The following ALK variants were observed in gnomAD, a reference collection of about 807,000 sequenced individuals.
ALK encodes the protein ALK tyrosine kinase receptor.
In ALK, 74 loss-of-function variants were observed where a neutral mutation model predicts 163.1. The observed-to-expected ratio is 0.45, with a 90% CI of 0.38 to 0.55. ALK has a LOEUF of 0.55. Among genes scored for constraint, ALK ranks in the 20% least tolerant of loss-of-function variants. The pLI, the probability that ALK is intolerant of heterozygous loss-of-function variation, is 0.00. For missense variants in ALK, 2,063 were observed against 2,105.3 expected, an observed-to-expected ratio of 0.98 and a Z score of 0.39; for synonymous variants, 960 against 843.2, an observed-to-expected ratio of 1.14 and a Z score of -2.40.
intron 5 of ALK, among the ~76,000 whole-genome samples, chr2:29,349,063 A>G (rs1286416464): frequency 1.5e-5 from 1 of 68,950 alleles, no homozygotes; most frequent in East Asian, 4.5e-3. Flanking sequence ...ATTACTGTCC[A>G]TCAAGTTCTT....
At chr2:29,860,963 G>C (rs1450527526) in intron 1 of ALK, among the ~76,000 whole-genome samples, 1 of 152,166 alleles carries the variant, frequency 6.6e-6, no homozygotes, top group African/African-American at 2.4e-5. Flanking sequence ...TTGAGCCCAG[G>C]AGTTCGAGAC....
At chr2:29,773,251 C>A (rs937662996) in intron 1 of ALK, among the ~76,000 whole-genome samples, 3 of 152,116 alleles carry the variant, frequency 2.0e-5, no homozygotes, top group Admixed American at 6.5e-5. Flanking sequence ...CACACACACA[C>A]ACATTTTTTT....
In ALK at chr2:29,605,120, C is replaced by T. The variant is rs141630909; in HGVS notation, c.953-73004G>A. ...CCCCTACCTTTTTGGCATCAGGAACCGGTTTCGTGGAAGACAGTTTTTCCA... is the reference window on the plus strand; with the variant it reads ...CCCCTACCTTTTTGGCATCAGGAACTGGTTTCGTGGAAGACAGTTTTTCCA... On this transcript the variant is annotated intron_variant, in intron 3 of 28. Coordinates refer to ENST00000389048, the MANE Select transcript of ALK (RefSeq NM_004304.5). Among the ~76,000 whole-genome samples, 164 of 152,266 alleles carry T rather than the reference C, an allele frequency of 1.1e-3. 1 individual carries two copies. In the East Asian group the frequency reaches 0.024, roughly 22 times the overall value.
At chr2:29,285,050 C>T (rs1432866912) in intron 9 of ALK, among the ~76,000 whole-genome samples, 2 of 152,186 alleles carry the variant, frequency 1.3e-5, no homozygotes, top group East Asian at 1.9e-4. Context: ...TACTTAAGTT[C>T]GCCCAAGGCT....
At chr2:29,508,819 C>A (rs1288539083) in intron 4 of ALK, among the ~76,000 whole-genome samples, 1 of 149,938 alleles carries the variant, frequency 6.7e-6, no homozygotes, top group Non-Finnish European at 1.5e-5. Context: ...TTTACTAGAT[C>A]CCCAGGTGAT....
At chr2:29,848,163 A>G (rs1665895541) in intron 1 of ALK, among the ~76,000 whole-genome samples, 1 of 152,056 alleles carries the variant, frequency 6.6e-6, no homozygotes, top group Admixed American at 6.6e-5. Flanking sequence ...GGGAGGAGGA[A>G]GTGGGGAGGC....
At chr2:29,210,677 A>ACCTG (rs1211566704) in intron 24 of ALK, among the ~76,000 whole-genome samples, 9 of 152,124 alleles carry the variant, frequency 5.9e-5, no homozygotes, top group African/African-American at 2.2e-4. Context: ...CAGGTGATCC[A>ACCTG]CCTGCCTCGG....
At chr2:29,582,860 C>CTTTTT (rs11406173) in intron 3 of ALK, among the ~76,000 whole-genome samples, 1 of 137,790 alleles carries the variant, frequency 7.3e-6, no homozygotes, top group Non-Finnish European at 1.5e-5. Context: ...CCCAGCACTC[C>CTTTTT]TTTTTTTTTT....
rs766079302 is a variant in ALK at position 29,694,884 on chromosome 2, C to A, written c.918G>T (p.Gly306=). ...TCTCCTTAGAACGCTCTGCCCCAGG[C>A]CCATCCAGCAAGTCCATCTGGGAGG... ...EEASQMDLLD[G]PGAERSKEMP... is the part of the protein sequence containing the mutation. The change falls in exon 3 of 29, where the codon GGG becomes GGT. Residue 306 remains glycine (G), a synonymous_variant. Coordinates refer to ENST00000389048, the MANE Select transcript of ALK (RefSeq NM_004304.5). The A allele has an allele frequency of 1.9e-6, 3 of 1,614,036 alleles. No homozygotes were observed. The highest frequency in any genetic ancestry group is 1.7e-6 in the Non-Finnish European group (2 of 1,179,976).
chr2:29,605,735 A>G (rs1488931433), intron 3 of ALK, among the ~76,000 whole-genome samples: 1 of 152,156 alleles, frequency 6.6e-6, no homozygotes, highest in Non-Finnish European at 1.5e-5. Context: ...AAATCAATGT[A>G]TGTTGTTTAA....
At chr2:29,733,276 C>T (rs1679798577) in intron 1 of ALK, among the ~76,000 whole-genome samples, 1 of 152,160 alleles carries the variant, frequency 6.6e-6, no homozygotes, top group East Asian at 1.9e-4. Flanking sequence ...GCCAGGTCTT[C>T]TTATAGCTTT....
chr2:29,672,208 G>A (rs777066718), intron 3 of ALK, among the ~76,000 whole-genome samples: 40 of 151,080 alleles, frequency 2.6e-4, no homozygotes, highest in Middle Eastern at 3.4e-3. Context: ...TAAGTTTTAG[G>A]GTACATGTGC....
intron 5 of ALK, among the ~76,000 whole-genome samples, chr2:29,359,051 C>T (rs1668324303): frequency 6.6e-6 from 1 of 150,878 alleles, no homozygotes; most frequent in Non-Finnish European, 1.5e-5. Context: ...TTGTGCATTA[C>T]AACAATTGTT....
chr2:29,501,542 A>T (rs4550626), intron 4 of ALK, among the ~76,000 whole-genome samples: 100,591 of 152,020 alleles, frequency 0.66, 34,586 homozygotes, highest in South Asian at 0.78. Flanking sequence ...GCACTGCTTC[A>T]TGTCCTCTTC....
chr2:29,527,915 T>C (rs184422433), intron 4 of ALK, among the ~76,000 whole-genome samples: 38 of 152,190 alleles, frequency 2.5e-4, no homozygotes, highest in African/African-American at 8.7e-4. Flanking sequence ...GGGAGGAGGT[T>C]AGACTCCCGT....
At chr2:29,670,653 T>C (rs1677655479) in intron 3 of ALK, among the ~76,000 whole-genome samples, 1 of 152,082 alleles carries the variant, frequency 6.6e-6, no homozygotes. Flanking sequence ...ATTTGGTCTT[T>C]GGAGATAATT....
intron 4 of ALK, among the ~76,000 whole-genome samples, chr2:29,484,870 T>C (rs1039987380): frequency 6.6e-6 from 1 of 152,102 alleles, no homozygotes; most frequent in African/African-American, 2.4e-5. Flanking sequence ...TACTGTTTTC[T>C]GTTATTTTTG....
intron 3 of ALK, among the ~76,000 whole-genome samples, chr2:29,632,855 C>T (rs1203911509): frequency 6.6e-6 from 1 of 152,126 alleles, no homozygotes; most frequent in Non-Finnish European, 1.5e-5. Flanking sequence ...AGCAGAACCC[C>T]CTGATAAAAC....
intron 4 of ALK, 123 bp downstream of exon 4, chr2:29,531,792 C>T: frequency 9.6e-7 from 1 of 1,040,038 alleles, no homozygotes; most frequent in Non-Finnish European, 1.5e-6. Flanking sequence ...ATTGCTCAAC[C>T]TGGACCTACC....
Sources: allele counts gnomAD v4.1 joint callset (sites outside exome capture counted in the v4.1 genomes callset), GRCh38; gene constraint gnomAD v4.1.1; transcripts MANE v1.5; gene names NCBI Gene and HGNC (gene_info 2026-07-23, HGNC 2026-07-21).